Variants in SLC23A2 observed in about 807,000 individuals in gnomAD.
SLC23A2 encodes Na(+)/L-ascorbic acid transporter 2.
Under a neutral mutation model 73.3 loss-of-function variants are expected in SLC23A2, and 36 were observed. The observed-to-expected ratio is 0.49, with a 90% CI of 0.38 to 0.65. The LOEUF (loss-of-function observed/expected upper bound fraction) is 0.65. Among genes scored for constraint, SLC23A2 ranks in the 30% least tolerant of loss-of-function variants. The pLI, the probability that SLC23A2 is intolerant of heterozygous loss-of-function variation, is 0.00. For missense variants in SLC23A2, 507 were observed against 841.6 expected (o/e 0.60, Z 4.92); for synonymous variants, 343 against 327.3 (o/e 1.05, Z -0.52).
intron 1 of SLC23A2, among the ~76,000 whole-genome samples, chr20:4,971,471 ACT>A (rs2087559621): frequency 6.6e-6 from 1 of 151,314 alleles, no homozygotes; most frequent in Non-Finnish European, 1.5e-5. Flanking sequence ...ACAGAGTGAG[ACT>A]CTGTCTCAAA....
At chr20:4,914,082 A>C (rs1185729702) in intron 3 of SLC23A2, among the ~76,000 whole-genome samples, 1 of 151,820 alleles carries the variant, frequency 6.6e-6, no homozygotes. Context: ...CAGATTTAAA[A>C]AGTATATTAA....
chr20:4,949,056 C>T (rs181164313), intron 2 of SLC23A2, among the ~76,000 whole-genome samples: 17 of 152,104 alleles, frequency 1.1e-4, no homozygotes, highest in Non-Finnish European at 1.9e-4. Context: ...GAGGCCAAGA[C>T]GGATGGATTA....
chr20:4,890,163 C>A (rs1198576458), intron 6 of SLC23A2, among the ~76,000 whole-genome samples: 1 of 152,140 alleles, frequency 6.6e-6, no homozygotes, highest in Non-Finnish European at 1.5e-5. Flanking sequence ...ATACTCTGTG[C>A]CTGGCTTCCT....
intron 4 of SLC23A2, among the ~76,000 whole-genome samples, chr20:4,903,122 A>G (rs1357432898): frequency 6.6e-6 from 1 of 152,178 alleles, no homozygotes; most frequent in Admixed American, 6.5e-5. Flanking sequence ...GGTGATTTGA[A>G]TTCTGTTTAA....
At chr20:4,957,856 G>A (rs145836503) in intron 2 of SLC23A2, among the ~76,000 whole-genome samples, 2,416 of 147,962 alleles carry the variant, frequency 0.016, 64 homozygotes, top group African/African-American at 0.056. Context: ...AGCCAAGATC[G>A]TCCCACTGCA....
chr20:4,873,240 C>T (rs1249857365), intron 11 of SLC23A2, among the ~76,000 whole-genome samples: 1 of 152,162 alleles, frequency 6.6e-6, no homozygotes, highest in Non-Finnish European at 1.5e-5. Context: ...AAGAAGTGGG[C>T]TGAACCTGAC....
chr20:4,937,597 G>C (rs2086980023), intron 2 of SLC23A2, among the ~76,000 whole-genome samples: 1 of 152,186 alleles, frequency 6.6e-6, no homozygotes, highest in Non-Finnish European at 1.5e-5. Context: ...CTCTACAAAA[G>C]TAGAAACTGA....
At chr20:4,983,102 T>C (rs988442240) in intron 1 of SLC23A2, among the ~76,000 whole-genome samples, 3 of 151,162 alleles carry the variant, frequency 2.0e-5, no homozygotes, top group Non-Finnish European at 4.4e-5. Flanking sequence ...TGAAACTCCA[T>C]CTCAAAAAAA....
chr20:4,973,186 G>A (rs144822848), intron 1 of SLC23A2, among the ~76,000 whole-genome samples: 98 of 152,270 alleles, frequency 6.4e-4, no homozygotes, highest in South Asian at 1.2e-3. Flanking sequence ...GAAGTGGTGG[G>A]GGGACATAAG....
In SLC23A2 at chr20:4,939,315, T is replaced by A. The variant is rs573162461; in HGVS notation, c.-154-6599A>T. On this transcript the variant is annotated intron_variant, in intron 2 of 16. Coordinates refer to ENST00000338244, the MANE Select transcript of SLC23A2 (RefSeq NM_005116.6). Reference sequence around the variant, plus strand: ...ATAATGTAAGAGTGGTTTTGTTTAATAATCTTACTACATCAAACCTATCTG... The same window carrying A: ...ATAATGTAAGAGTGGTTTTGTTTAAAAATCTTACTACATCAAACCTATCTG... 1.3e-3 allele frequency among the ~76,000 whole-genome samples: 199 copies of A among 152,318 alleles called. 1 individual carries two copies. Among genetic ancestry groups the A allele is most frequent in the African/African-American group, 4.8e-3 (198 of 41,568 alleles).
intron 11 of SLC23A2, among the ~76,000 whole-genome samples, chr20:4,871,089 T>A (rs1930429383): frequency 1.3e-5 from 2 of 152,192 alleles, no homozygotes; most frequent in Non-Finnish European, 1.5e-5. Context: ...CGTGTGAGAA[T>A]GAATAGACTC....
Position 4,872,152 on chromosome 20 carries a change from T to C in SLC23A2, c.1102+1784A>G, listed in dbSNP as rs1390894466. 1.3e-5 allele frequency among the ~76,000 whole-genome samples: 2 copies of C among 152,142 alleles called. No homozygotes were observed. Among genetic ancestry groups the C allele is most frequent in the African/African-American group, 4.8e-5 (2 of 41,426 alleles). Reference sequence around the variant, plus strand: ...CACTGTTGACATTTTGCACCAGAAATCTGTATTATATTAACAATCAGTCCA... The same window carrying C: ...CACTGTTGACATTTTGCACCAGAAACCTGTATTATATTAACAATCAGTCCA... On this transcript the variant is annotated intron_variant, in intron 11 of 16. Coordinates refer to ENST00000338244, the MANE Select transcript of SLC23A2 (RefSeq NM_005116.6). The surrounding 1 kb of genome is among the most constrained non-coding windows in gnomAD (Gnocchi z 4.4).
Position 4,862,239 on chromosome 20 carries a change from C to T in SLC23A2, c.1487-154G>A, listed in dbSNP as rs1929992151. Among the ~76,000 whole-genome samples, 1 of 152,214 alleles carries T rather than the reference C, an allele frequency of 6.6e-6. No individual in the cohort carries two copies. The highest frequency in any genetic ancestry group is 2.1e-4 in the South Asian group (1 of 4,834). On this transcript the variant is annotated intron_variant, in intron 14 of 16. Coordinates refer to ENST00000338244, the MANE Select transcript of SLC23A2 (RefSeq NM_005116.6). The surrounding 1 kb of genome is among the most constrained non-coding windows in gnomAD (Gnocchi z 5.1). The stretch of plus-strand genomic sequence containing the variant: ...AGGAAGGGGGACGTGTGGGGTCAGA[C>T]TGTAGCCACCCTGCGCTCTGAGCCA...
At chr20:4,987,766 T>C (rs1329150454) in intron 1 of SLC23A2, among the ~76,000 whole-genome samples, 1 of 151,274 alleles carries the variant, frequency 6.6e-6, no homozygotes, top group African/African-American at 2.4e-5. Flanking sequence ...GAGAATGGCG[T>C]GAACTCTGGA....
intron 4 of SLC23A2, among the ~76,000 whole-genome samples, chr20:4,912,679 A>C (rs866740098): frequency 4.6e-5 from 7 of 151,788 alleles, no homozygotes; most frequent in African/African-American, 1.5e-4. Context: ...AAAAAAAAAA[A>C]AAAAAAAAAC....
Position 4,868,064 on chromosome 20 carries a change from G to T in SLC23A2, c.1251-189C>A, listed in dbSNP as rs377074123. ...ACCCCAGACCTGCTGAAGCAGAAAA[G>T]AATCTGCATTTTTTTTTTTTTTTTT... On this transcript the variant is annotated intron_variant, in intron 12 of 16. Transcript: ENST00000338244. This position sits in a 1 kb window ranked among gnomAD's most constrained non-coding sequence, Gnocchi z 4.4. 7.2e-6 allele frequency among the ~76,000 whole-genome samples: 1 copy of T among 138,136 alleles called. No homozygotes were observed. Among genetic ancestry groups the T allele is most frequent in the African/African-American group, 2.7e-5 (1 of 36,926 alleles). 90.6% of individuals were successfully genotyped at this position (138,136 alleles called of 152,430 possible).
At chr20:5,000,171 A>C (rs35916431) in intron 1 of SLC23A2, among the ~76,000 whole-genome samples, 2,456 of 152,248 alleles carry the variant, frequency 0.016, 62 homozygotes, top group African/African-American at 0.055. Context: ...TTGAGCTGAA[A>C]AGGGCCCTTT....
rs1221260831 is a variant in SLC23A2, at chr20:4,853,320, G to A, written c.*3652C>T. On this transcript the variant is annotated 3_prime_UTR_variant, in exon 17 of 17. Coordinates refer to ENST00000338244, the MANE Select transcript of SLC23A2 (RefSeq NM_005116.6). Reference sequence around the variant, plus strand: ...TCTGGCCAGATGGGTTCTGGAATGAGGCTTCTGCTACTGCTCCATATTCAC... The same window carrying A: ...TCTGGCCAGATGGGTTCTGGAATGAAGCTTCTGCTACTGCTCCATATTCAC... 4 of 152,690 alleles carry A rather than the reference G, an allele frequency of 2.6e-5. No homozygotes were observed. Among genetic ancestry groups the A allele is most frequent in the African/African-American group, 9.6e-5 (4 of 41,456 alleles). 9.5% of individuals were successfully genotyped at this position (152,690 alleles called of 1,614,324 possible).
chr20:4,875,290 A>G (rs1266601084), intron 9 of SLC23A2, among the ~76,000 whole-genome samples: 2 of 152,232 alleles, frequency 1.3e-5, no homozygotes, highest in African/African-American at 4.8e-5. Flanking sequence ...AGAAAAGTAG[A>G]TACAGTAGAA....
Sources: gnomAD v4.1 joint callset for allele counts (sites outside exome capture counted in the v4.1 genomes callset) on GRCh38, gnomAD v4.1.1 for gene constraint, Gnocchi (gnomAD v3.1) non-coding constraint, MANE v1.5 for transcripts, NCBI Gene and HGNC (gene_info 2026-07-23, HGNC 2026-07-21) for gene names.